The following PCTP variants were observed in gnomAD, a reference collection of about 807,000 sequenced individuals.
PCTP encodes START domain-containing protein 2.
A neutral mutation model predicts 31.0 loss-of-function variants in PCTP; 27 were observed. The ratio of observed to expected loss-of-function variants is 0.87; its 90% CI spans 0.64 to 1.20. PCTP has a LOEUF of 1.20. PCTP is among the 50% of genes most tolerant of loss of function. PCTP has a pLI of 0.00. For missense variants in PCTP, 287 were observed against 268.2 expected, an observed-to-expected ratio of 1.07 and a Z score of -0.49; for synonymous variants, 108 against 101.2, an observed-to-expected ratio of 1.07 and a Z score of -0.40.
At chr17:55,769,670 C>A (rs1169021358) in intron 2 of PCTP, 1 of 152,212 alleles carries the variant, frequency 6.6e-6, no homozygotes, top group Non-Finnish European at 1.5e-5. Flanking sequence ...TCTGGTCCAT[C>A]CGAGAGCTTT....
At chr17:55,839,729 G>A (rs1200531467) in intron 5 of PCTP, among the ~76,000 whole-genome samples, 2 of 151,170 alleles carry the variant, frequency 1.3e-5, no homozygotes, top group African/African-American at 4.9e-5. Flanking sequence ...GACCATCCCG[G>A]CTAAAACGGT....
rs569454551 is a variant in PCTP, at chr17:55,751,527, G to T, written c.141+283G>T. On this transcript the variant is annotated intron_variant, in intron 1 of 5. Coordinates refer to ENST00000268896, the MANE Select transcript of PCTP (RefSeq NM_021213.4). ...TAGAAGTTAATGACAGTTGAAACGT[G>T]GGTCAGCTGGTTCCTAGGCCCGTGC... is the stretch of plus-strand genomic sequence containing the variant. 3.5e-5 allele frequency: 52 copies of T among 1,478,966 alleles called. No homozygotes were observed. The East Asian group carries it at 1.3e-3, about 38-fold the overall frequency. 91.6% of individuals were successfully genotyped at this position (1,478,966 alleles called of 1,614,324 possible).
At chr17:55,774,626 G>A (rs1466387075) in intron 4 of PCTP, among the ~76,000 whole-genome samples, 166 bp from the exon 5 acceptor site, 1 of 152,164 alleles carries the variant, frequency 6.6e-6, no homozygotes, top group Non-Finnish European at 1.5e-5. Context: ...CTATATTTAA[G>A]TATGCCATAA....
chr17:55,846,264 C>G (rs1050821204), downstream of PCTP, among the ~76,000 whole-genome samples: 1 of 152,166 alleles, frequency 6.6e-6, no homozygotes, highest in Non-Finnish European at 1.5e-5. Flanking sequence ...ATTCACCCAT[C>G]ATGTACCACC....
chr17:55,782,677 C>G (rs1336527954), intron 2 of PCTP, among the ~76,000 whole-genome samples: 1 of 152,100 alleles, frequency 6.6e-6, no homozygotes, highest in Non-Finnish European at 1.5e-5. Context: ...CATCAATGTG[C>G]CAAGCTTGTT....
At chr17:55,815,970 T>C (rs117243719) in intron 3 of PCTP, among the ~76,000 whole-genome samples, 3,945 of 152,308 alleles carry the variant, frequency 0.026, 122 homozygotes, top group Admixed American at 0.095. Context: ...TACACAGTTT[T>C]GGATTTCCCT....
chr17:55,783,225 T>A (rs1911625889), intron 2 of PCTP, among the ~76,000 whole-genome samples: 1 of 152,184 alleles, frequency 6.6e-6, no homozygotes, highest in South Asian at 2.1e-4. Context: ...TCATTCTGAT[T>A]TAACACCGTT....
At chr17:55,758,275 G>C (rs1910152698) in intron 1 of PCTP, among the ~76,000 whole-genome samples, 1 of 152,210 alleles carries the variant, frequency 6.6e-6, no homozygotes, top group African/African-American at 2.4e-5. Flanking sequence ...TCTAATCAAA[G>C]AGTTTGGTGA....
chr17:55,786,752 A>G (rs537149845), intron 2 of PCTP, among the ~76,000 whole-genome samples: 1 of 152,252 alleles, frequency 6.6e-6, no homozygotes, highest in Admixed American at 6.5e-5. Flanking sequence ...CATCTTGTGC[A>G]GTTAAGATTG....
At chr17:55,827,552 T>C (rs1352671223), downstream of PCTP, among the ~76,000 whole-genome samples, 2 of 152,216 alleles carry the variant, frequency 1.3e-5, no homozygotes, top group African/African-American at 4.8e-5. Context: ...CACCTATATT[T>C]TAAAAAGACC....
chr17:55,783,326 A>G (rs1380410031), intron 2 of PCTP, among the ~76,000 whole-genome samples: 1 of 152,218 alleles, frequency 6.6e-6, no homozygotes, highest in Non-Finnish European at 1.5e-5. Flanking sequence ...GAGGCAAAAC[A>G]GGGCTAGAAG....
chr17:55,834,390 C>A (rs2145084015), intron 5 of PCTP, among the ~76,000 whole-genome samples: 1 of 152,160 alleles, frequency 6.6e-6, no homozygotes, highest in Middle Eastern at 3.4e-3. Context: ...GTGTGTTGTT[C>A]CCCTCCCTGT....
At chr17:55,845,729 G>A (rs758229129), downstream of PCTP, among the ~76,000 whole-genome samples, 6 of 152,200 alleles carry the variant, frequency 3.9e-5, no homozygotes, top group East Asian at 1.2e-3. Context: ...GGGACCCCCG[G>A]GACCCCGGGC....
intron 3 of PCTP, among the ~76,000 whole-genome samples, chr17:55,801,789 A>G (rs1441650827): frequency 1.3e-5 from 2 of 152,220 alleles, no homozygotes; most frequent in Non-Finnish European, 2.9e-5. Context: ...ACACCCTGAC[A>G]TCACAATTGA....
chr17:55,820,018 T>C (rs1913063226), intron 3 of PCTP, among the ~76,000 whole-genome samples: 1 of 152,044 alleles, frequency 6.6e-6, no homozygotes, highest in African/African-American at 2.4e-5. Context: ...AAAAATTAAC[T>C]CAAAATAGAT....
At position 55,773,813 on chromosome 17, in the gene PCTP, T is replaced by C. The variant is rs1356321959; in HGVS notation, c.429T>C (p.Leu143=). The C allele has an allele frequency of 1.2e-6, 2 of 1,613,748 alleles. No homozygotes were observed. The highest frequency in any genetic ancestry group is 1.7e-6 in the Non-Finnish European group (2 of 1,179,936). ...ILARSTSMPQ[L]GERSGVIRVK... is the part of the protein sequence containing the mutation. ...CCCGGAGCACCTCCATGCCTCAGCT[T>C]GGCGAGAGGTCTGGGGTGATCCGGG... Residue 143 remains leucine, a synonymous_variant, in exon 4 of 6, where the codon CTT becomes CTC. Transcript: ENST00000268896.
At chr17:55,775,165 T>C (rs1011877758) in intron 5 of PCTP, 10 of 1,181,684 alleles carry the variant, frequency 8.5e-6, no homozygotes, top group Non-Finnish European at 1.1e-5. Flanking sequence ...GTAGGAACAA[T>C]AGTGCCTTTG....
intron 3 of PCTP, among the ~76,000 whole-genome samples, chr17:55,800,979 C>T (rs1912356631): frequency 6.6e-6 from 1 of 152,118 alleles, no homozygotes; most frequent in African/African-American, 2.4e-5. Context: ...AAGATTACTG[C>T]CTGTTCCTTC....
intron 3 of PCTP, among the ~76,000 whole-genome samples, chr17:55,771,535 G>T (rs1364375296): frequency 1.3e-5 from 2 of 152,160 alleles, no homozygotes; most frequent in Non-Finnish European, 2.9e-5. Context: ...TCAGTCTACA[G>T]AAGGAAAAAG....
Sources: gnomAD v4.1 joint callset for allele counts (sites outside exome capture counted in the v4.1 genomes callset) on GRCh38, gnomAD v4.1.1 for gene constraint, MANE v1.5 for transcripts, NCBI Gene and HGNC (gene_info 2026-07-23, HGNC 2026-07-21) for gene names.